GRXCR2: variants seen among roughly 807,000 people sequenced by gnomAD.
GRXCR2 encodes glutaredoxin domain-containing cysteine-rich protein 2.
A neutral mutation model predicts 24.8 loss-of-function variants in GRXCR2; 23 were observed. The ratio of observed to expected loss-of-function variants is 0.93; its 90% CI spans 0.67 to 1.32. The LOEUF (loss-of-function observed/expected upper bound fraction) is 1.32. Among genes scored for constraint, GRXCR2 ranks in the 40% most tolerant of loss-of-function variants. The probability of loss-of-function intolerance (pLI) is 0.00; values close to 1 mark genes in which losing one functional copy is unlikely to be tolerated. For synonymous variants in GRXCR2, 130 were observed against 116.1 expected (o/e 1.12, Z -0.77); for missense variants, 315 against 303.4 (o/e 1.04, Z -0.28).
chr5:145,911,782 T>C (rs1661058670), intron 2 of GRXCR2, among the ~76,000 whole-genome samples: 1 of 152,206 alleles, frequency 6.6e-6, no homozygotes, highest in Admixed American at 6.5e-5. Flanking sequence ...GGCCAGTGAC[T>C]GGCCTCCTCT....
chr5:145,890,877 A>G (rs1237359838), intron 2 of GRXCR2, among the ~76,000 whole-genome samples: 1 of 152,050 alleles, frequency 6.6e-6, no homozygotes, highest in Non-Finnish European at 1.5e-5. Context: ...TCTTCAAAAG[A>G]CCTGTCTCAC....
At chr5:145,905,868 T>C (rs1757084837) in intron 2 of GRXCR2, among the ~76,000 whole-genome samples, 1 of 152,116 alleles carries the variant, frequency 6.6e-6, no homozygotes. Flanking sequence ...AATGAACAAA[T>C]AGTGGTCCAA....
intron 2 of GRXCR2, among the ~76,000 whole-genome samples, chr5:145,893,465 A>C (rs1461555348): frequency 6.6e-6 from 1 of 152,178 alleles, no homozygotes; most frequent in Non-Finnish European, 1.5e-5. Flanking sequence ...AAAACAAAAA[A>C]AGGCAGGGGT....
intron 2 of GRXCR2, among the ~76,000 whole-genome samples, chr5:145,883,825 C>A (rs368700102): frequency 1.3e-5 from 2 of 152,288 alleles, no homozygotes; most frequent in East Asian, 3.9e-4. Flanking sequence ...GAGGTCACAG[C>A]TGTAGTCAGC....
At chr5:145,894,696 C>A (rs1264397415) in intron 2 of GRXCR2, among the ~76,000 whole-genome samples, 2 of 152,094 alleles carry the variant, frequency 1.3e-5, no homozygotes, top group African/African-American at 2.4e-5. Context: ...CCGAATTCTA[C>A]CAGAAATACA....
chr5:145,870,556 CTGTT>C (rs1324682980), intron 1 of GRXCR2, among the ~76,000 whole-genome samples: 1 of 152,182 alleles, frequency 6.6e-6, no homozygotes, highest in Non-Finnish European at 1.5e-5. Context: ...GTACATATAT[CTGTT>C]TGAGTTCAGA....
intron 2 of GRXCR2, among the ~76,000 whole-genome samples, chr5:145,892,596 G>T (rs1040908460): frequency 3.9e-5 from 6 of 152,130 alleles, no homozygotes; most frequent in Non-Finnish European, 7.3e-5. Context: ...AGAATAAAAA[G>T]AAATGAACAA....
In GRXCR2 at chr5:145,858,808, A is replaced by G. The variant is rs1756282333; in HGVS notation, c.*925T>C. ...GAGGAAAGAATCATCCTTACTATGCATATTCATGGATAGTAGAAACATTAC... is the reference window on the plus strand; with the variant it reads ...GAGGAAAGAATCATCCTTACTATGCGTATTCATGGATAGTAGAAACATTAC... On this transcript the variant is annotated 3_prime_UTR_variant, in exon 3 of 3. Coordinates refer to ENST00000377976, the MANE Select transcript of GRXCR2 (RefSeq NM_001080516.2). 1 of 152,188 alleles carries G rather than the reference A, an allele frequency of 6.6e-6. No homozygotes were observed. The highest frequency in any genetic ancestry group is 1.5e-5 in the Non-Finnish European group (1 of 68,036). 9.4% of individuals were successfully genotyped at this position (152,188 alleles called of 1,614,324 possible). A position where few individuals can be genotyped will look rare whatever the true frequency, so the allele number is the denominator to read the frequency against.
intron 2 of GRXCR2, among the ~76,000 whole-genome samples, chr5:145,881,561 T>C (rs1045293699): frequency 8.5e-5 from 13 of 152,214 alleles, no homozygotes; most frequent in African/African-American, 3.1e-4. Flanking sequence ...CCCATGCTCA[T>C]GGATAGGAAG....
chr5:145,904,384 G>C (rs1440459900), intron 2 of GRXCR2, among the ~76,000 whole-genome samples: 1 of 152,130 alleles, frequency 6.6e-6, no homozygotes, highest in Non-Finnish European at 1.5e-5. Flanking sequence ...TTTTCCCTAG[G>C]CCTTAATTTT....
chr5:145,919,456 T>C (rs1757291732), intron 2 of GRXCR2, among the ~76,000 whole-genome samples: 1 of 151,990 alleles, frequency 6.6e-6, no homozygotes. Context: ...AGCTAACAAG[T>C]GAGGAGATGA....
intron 2 of GRXCR2, among the ~76,000 whole-genome samples, chr5:145,930,829 T>A (rs1177286269): frequency 6.6e-6 from 1 of 152,206 alleles, no homozygotes; most frequent in Non-Finnish European, 1.5e-5. Flanking sequence ...TATTAAGCAC[T>A]ATTATATACA....
Position 145,872,752 on chromosome 5 carries a change from G to T in GRXCR2, c.217C>A (p.Pro73Thr), listed in dbSNP as rs752981851. ...GTCAGCTTAGGGGAGCACATCTGGG[G>T]CCTGGGGACTTCCCCAGACCCATAA... ...GVYGSGEVPR[P>T]QMCSPKLTAQ... The change falls in exon 1 of 3, where the codon CCC becomes ACC. Residue 73 changes from proline to threonine, a missense_variant. Transcript: ENST00000377976. 1 of 1,613,826 alleles carries T rather than the reference G, an allele frequency of 6.2e-7. No individual in the cohort carries two copies. The highest frequency in any genetic ancestry group is 1.3e-5 in the African/African-American group (1 of 74,912).
chr5:145,922,908 C>T (rs531047331), intron 2 of GRXCR2, among the ~76,000 whole-genome samples: 1 of 152,324 alleles, frequency 6.6e-6, no homozygotes, highest in African/African-American at 2.4e-5. Context: ...TAAGTATGTC[C>T]CATGTACCAG....
At chr5:145,878,961 G>A (rs1054462769) in intron 2 of GRXCR2, among the ~76,000 whole-genome samples, 7 of 152,118 alleles carry the variant, frequency 4.6e-5, no homozygotes, top group African/African-American at 1.7e-4. Context: ...AAAAGTGAAG[G>A]AGAAATAAAA....
At chr5:145,919,734 G>A (rs1434182303) in intron 2 of GRXCR2, among the ~76,000 whole-genome samples, 2 of 152,138 alleles carry the variant, frequency 1.3e-5, no homozygotes, top group East Asian at 3.9e-4. Context: ...TAAGGGTCAG[G>A]GCCTGTGATT....
chr5:145,930,321 G>A (rs1029848048), intron 2 of GRXCR2, among the ~76,000 whole-genome samples: 4 of 152,150 alleles, frequency 2.6e-5, no homozygotes, highest in African/African-American at 9.7e-5. Flanking sequence ...CCGGCCTCAA[G>A]TGATTCGCCC....
chr5:145,912,874 GC>G lies in GRXCR2; in HGVS notation c.-70+22826del, dbSNP rs535173851. On this transcript the variant is annotated intron_variant, in intron 2 of 3. Coordinates refer to the GRXCR2 transcript ENST00000639411. ...ACAGAAGTAGGGCCAGCTCATGCGG[GC>G]CTGGTATAGGTTTTGGATTTAATCC... is the stretch of plus-strand genomic sequence containing the variant. Among the ~76,000 whole-genome samples the G allele has an allele frequency of 4.5e-3, 678 of 152,232 alleles. 7 individuals are homozygous for G. The highest frequency in any genetic ancestry group is 0.015 in the African/African-American group (642 of 41,528).
upstream of GRXCR2, among the ~76,000 whole-genome samples, chr5:145,874,974 C>T (rs1176140364): frequency 6.6e-6 from 1 of 152,234 alleles, no homozygotes; most frequent in African/African-American, 2.4e-5. Context: ...GTCACTGCTT[C>T]TGGGCAGCCT....
Sources: gnomAD v4.1 joint callset for allele counts (sites outside exome capture counted in the v4.1 genomes callset) on GRCh38, gnomAD v4.1.1 for gene constraint, MANE v1.5 for transcripts, NCBI Gene and HGNC (gene_info 2026-07-23, HGNC 2026-07-21) for gene names.